LRRC31: variants seen among roughly 807,000 people sequenced by gnomAD.
LRRC31 encodes the protein leucine rich repeat containing 31, also known as leucine-rich repeat-containing protein 31.
Under a neutral mutation model 46.7 loss-of-function variants are expected in LRRC31, and 35 were observed. That is an observed-to-expected ratio of 0.75 (90% CI 0.57 to 0.99). LRRC31 has a LOEUF of 0.99. Among genes scored for constraint, LRRC31 ranks in the 50% least tolerant of loss-of-function variants. LRRC31 has a pLI of 0.00. For synonymous variants in LRRC31, 236 were observed against 235.1 expected (o/e 1.00, Z -0.03); for missense variants, 613 against 626.1 (o/e 0.98, Z 0.22).
chr3:169,868,720 A>G (rs912577121), intron 1 of LRRC31, among the ~76,000 whole-genome samples: 1 of 152,254 alleles, frequency 6.6e-6, no homozygotes, highest in Non-Finnish European at 1.5e-5. Context: ...TATTGCTTTT[A>G]ACAATTTAAA....
intron 1 of LRRC31, among the ~76,000 whole-genome samples, chr3:169,868,010 T>C (rs1413992787): frequency 6.6e-6 from 1 of 152,252 alleles, no homozygotes; most frequent in East Asian, 1.9e-4. Flanking sequence ...ATGAAAATTA[T>C]GCATATGAGC....
chr3:169,847,421 G>A (rs1324057068), intron 8 of LRRC31, among the ~76,000 whole-genome samples: 1 of 152,228 alleles, frequency 6.6e-6, no homozygotes, highest in Admixed American at 6.5e-5. Context: ...CTGACCTCAA[G>A]TGATCCGCCA....
At chr3:169,866,322 G>C (rs1017728818) in intron 1 of LRRC31, among the ~76,000 whole-genome samples, 1 of 152,184 alleles carries the variant, frequency 6.6e-6, no homozygotes, top group South Asian at 2.1e-4. Context: ...GAATTAACAT[G>C]ACTCCAGGAG....
At position 169,848,105 on chromosome 3, in the gene LRRC31, C is replaced by A. The variant is rs778444622; in HGVS notation, c.1327+15G>T. 12 of 1,604,544 alleles carry A rather than the reference C, an allele frequency of 7.5e-6. No individual in the cohort carries two copies. The highest frequency in any genetic ancestry group is 7.7e-6 in the Non-Finnish European group (9 of 1,172,954). ...TCTGTTTGCCAAGACCGCTTGGGAA[C>A]AAGTAGATACACACCCAGGAGAGCC... is the stretch of plus-strand genomic sequence containing the variant. On this transcript the variant is annotated intron_variant, in intron 8 of 8. Coordinates refer to ENST00000316428, the MANE Select transcript of LRRC31 (RefSeq NM_024727.4).
chr3:169,860,236 T>C (rs1041409128), intron 3 of LRRC31, among the ~76,000 whole-genome samples: 3 of 152,010 alleles, frequency 2.0e-5, no homozygotes, highest in African/African-American at 4.8e-5. Context: ...CTTTTCTTTT[T>C]TTTTGTTTGG....
At chr3:169,847,465 G>A (rs1219180575) in intron 8 of LRRC31, among the ~76,000 whole-genome samples, 3 of 152,228 alleles carry the variant, frequency 2.0e-5, no homozygotes, top group Non-Finnish European at 4.4e-5. Context: ...GATTATAGGC[G>A]TGAGCCACCG....
At chr3:169,852,736 C>G (rs1041979853) in intron 6 of LRRC31, among the ~76,000 whole-genome samples, 1 of 152,206 alleles carries the variant, frequency 6.6e-6, no homozygotes, top group Non-Finnish European at 1.5e-5. Context: ...TGCTGGATCT[C>G]TACAAAGCTG....
At chr3:169,865,993 C>T (rs375873656) in intron 1 of LRRC31, among the ~76,000 whole-genome samples, 104 of 152,050 alleles carry the variant, frequency 6.8e-4, no homozygotes, top group African/African-American at 2.3e-3. Context: ...ATGAGGGCGG[C>T]GCTGTGGTGG....
intron 8 of LRRC31, 79 bp downstream of exon 8, chr3:169,848,041 C>A: frequency 1.4e-6 from 2 of 1,439,838 alleles, no homozygotes; most frequent in South Asian, 1.3e-5. Context: ...ACCTCCCCCA[C>A]CTCCCCACCT....
chr3:169,856,324 T>C lies in LRRC31; in HGVS notation c.823+12A>G, dbSNP rs1780938606. The C allele has an allele frequency of 2.6e-6, 4 of 1,531,652 alleles. No individual in the cohort carries two copies. The highest frequency in any genetic ancestry group is 4.8e-5 in the East Asian group (2 of 42,012). 94.9% of individuals were successfully genotyped at this position (1,531,652 alleles called of 1,614,324 possible). ...ATACATGTAATCTTAAATCCAGCCA[T>C]TGTTAACTCACCCAATATTTTGACA... On this transcript the variant is annotated intron_variant, in intron 5 of 8. Coordinates refer to ENST00000316428, the MANE Select transcript of LRRC31 (RefSeq NM_024727.4).
rs1287978741 is a variant in LRRC31, at chr3:169,856,332, T to C, written c.823+4A>G. ...AATCTTAAATCCAGCCATTGTTAACTCACCCAATATTTTGACACTCTTTTG... is the reference window on the plus strand; with the variant it reads ...AATCTTAAATCCAGCCATTGTTAACCCACCCAATATTTTGACACTCTTTTG... On this transcript the variant is annotated splice_donor_region_variant and intron_variant, in intron 5 of 8. Transcript: ENST00000316428. The C allele has an allele frequency of 2.6e-6, 4 of 1,549,530 alleles. No homozygotes were observed. In the African/African-American group the frequency reaches 5.5e-5, roughly 21 times the overall value.
intron 8 of LRRC31, among the ~76,000 whole-genome samples, chr3:169,843,688 T>C (rs1246889045): frequency 1.3e-5 from 2 of 152,182 alleles, no homozygotes; most frequent in Admixed American, 6.5e-5. Flanking sequence ...ATTAACATGT[T>C]ACACAGCAAC....
chr3:169,860,908 T>C (rs1199281513), intron 2 of LRRC31, among the ~76,000 whole-genome samples, 180 bp from the exon 3 acceptor site: 1 of 152,178 alleles, frequency 6.6e-6, no homozygotes. Flanking sequence ...GAAATTGTGA[T>C]GTTTACATTT....
chr3:169,854,312 A>G (rs1330456340), intron 6 of LRRC31, among the ~76,000 whole-genome samples: 1 of 152,210 alleles, frequency 6.6e-6, no homozygotes, highest in Non-Finnish European at 1.5e-5. Context: ...TATATATTAC[A>G]TGTTGTAATT....
At chr3:169,858,509 G>A (rs753737932) in intron 3 of LRRC31, among the ~76,000 whole-genome samples, 17 of 152,164 alleles carry the variant, frequency 1.1e-4, no homozygotes, top group Non-Finnish European at 2.4e-4. Context: ...ACAGAAAGGT[G>A]GTTTTAGATG....
At chr3:169,851,563 A>C in intron 7 of LRRC31, 56 bp downstream of exon 7, 1 of 1,503,478 alleles carries the variant, frequency 6.7e-7, no homozygotes, top group Non-Finnish European at 9.0e-7. Flanking sequence ...AGGGAAAAAG[A>C]AGTCTCCCTC....
intron 6 of LRRC31, chr3:169,853,550 A>C: frequency 1.0e-6 from 1 of 985,796 alleles, no homozygotes; most frequent in Non-Finnish European, 1.2e-6. Context: ...GTACCAAGGG[A>C]ATCTGGTGGG....
chr3:169,860,877 G>A, intron 2 of LRRC31, 149 bp from the exon 3 acceptor site: 1 of 685,610 alleles, frequency 1.5e-6, no homozygotes, highest in Non-Finnish European at 2.4e-6. Flanking sequence ...AAAGCAGGGA[G>A]CCCTCAGCTG....
In LRRC31 at chr3:169,856,737, C is replaced by A. The variant is rs369467412; in HGVS notation, c.623G>T (p.Cys208Phe). 5 of 1,597,114 alleles carry A rather than the reference C, an allele frequency of 3.1e-6. No homozygotes were observed. The highest frequency in any genetic ancestry group is 1.7e-4 in the Middle Eastern group (1 of 5,978). ...TGTCCCATCTTCTGACGTGAGGGAG[C>A]AATCCACAAGCTCAATCATTTGTAT... ...SKIQMIELVD[C>F]SLTSEDGTFL... Residue 208 changes from cysteine (C) to phenylalanine (F), a missense_variant, in exon 4 of 9, where the codon TGC (cysteine) becomes TTC (phenylalanine). Cys to Phe is a radical substitution (Grantham distance 205). Transcript: ENST00000316428.
Sources: gnomAD v4.1 joint callset for allele counts (sites outside exome capture counted in the v4.1 genomes callset) on GRCh38, gnomAD v4.1.1 for gene constraint, MANE v1.5 for transcripts, NCBI Gene and HGNC (gene_info 2026-07-23, HGNC 2026-07-21) for gene names.